UGT2B4: variants seen among roughly 807,000 people sequenced by gnomAD.
The protein encoded by UGT2B4 is UDP glucuronosyltransferase family 2 member B4, also known as UDP-glucuronosyltransferase 2B4.
UGT2B4 carries 49 observed loss-of-function variants against 49.8 expected under a neutral mutation model. The observed-to-expected ratio is 0.98, with a 90% CI of 0.78 to 1.25. The LOEUF is 1.25. UGT2B4 is among the 50% of genes most tolerant of loss of function. UGT2B4 has a pLI of 0.00. For synonymous variants in UGT2B4, 246 were observed against 217.7 expected, an observed-to-expected ratio of 1.13 and a Z score of -1.14; for missense variants, 729 against 627.7, an observed-to-expected ratio of 1.16 and a Z score of -1.73.
At chr4:69,500,655 A>AAGAAAGAC (rs1350846486), upstream of UGT2B4, among the ~76,000 whole-genome samples, 1 of 123,104 alleles carries the variant, frequency 8.1e-6, no homozygotes, top group African/African-American at 2.6e-5. Context: ...GAAAGAAAGA[A>AAGAAAGAC]AGAAAGAAAG....
intron 1 of UGT2B4, among the ~76,000 whole-genome samples, chr4:69,514,201 T>G (rs1415492066): frequency 2.0e-5 from 3 of 152,136 alleles, no homozygotes; most frequent in African/African-American, 2.4e-5. Context: ...TAACTCGTCA[T>G]TTACATTAGG....
chr4:69,525,713 A>G, exon 1 of UGT2B4: 1 of 1,278,634 alleles, frequency 7.8e-7, no homozygotes, highest in African/African-American at 1.5e-5. Context: ...TGAGACATGT[A>G]AGAGAGCAAA....
intron 1 of UGT2B4, among the ~76,000 whole-genome samples, chr4:69,513,656 T>C (rs6852142): frequency 0.35 from 53,444 of 152,054 alleles, 9,490 homozygotes; most frequent in Non-Finnish European, 0.37. Context: ...AATCTCTAAA[T>C]TACTTTGGGC....
At chr4:69,500,606 G>GCAAGAAAGAAAGAAAGA (rs1553896493), upstream of UGT2B4, among the ~76,000 whole-genome samples, 1 of 99,510 alleles carries the variant, frequency 1.0e-5, no homozygotes, top group Non-Finnish European at 2.0e-5. Context: ...AGAAAGCAAG[G>GCAAGAAAGAAAGAAAGA]AAGAAAGAAA....
At position 69,480,597 on chromosome 4, in the gene UGT2B4, A is replaced by G. The variant is rs1201306274; in HGVS notation, c.*37T>C. The G allele has an allele frequency of 5.0e-6, 8 of 1,599,048 alleles. No homozygotes were observed. The highest frequency in any genetic ancestry group is 1.7e-4 in the Middle Eastern group (1 of 5,972). ...TTGTTGTAATAAACTAAAGGAGTTC[A>G]TTTATTGGGTTTCCCAGCTTCCAGC... is the stretch of plus-strand genomic sequence containing the variant. On this transcript the variant is annotated 3_prime_UTR_variant, in exon 6 of 6. Transcript: ENST00000305107.
chr4:69,511,250 A>C (rs1560441575), intron 1 of UGT2B4, among the ~76,000 whole-genome samples: 1 of 152,080 alleles, frequency 6.6e-6, no homozygotes, highest in East Asian at 1.9e-4. Flanking sequence ...TAGGCTTCTC[A>C]AAGTGCTGGG....
intron 1 of UGT2B4, among the ~76,000 whole-genome samples, chr4:69,508,405 T>C (rs1728526298): frequency 6.6e-6 from 1 of 152,160 alleles, no homozygotes; most frequent in African/African-American, 2.4e-5. Flanking sequence ...TGTATGCACA[T>C]GTTTATTGCA....
intron 5 of UGT2B4, among the ~76,000 whole-genome samples, chr4:69,484,352 T>C (rs1727700784): frequency 6.6e-6 from 1 of 152,190 alleles, no homozygotes; most frequent in African/African-American, 2.4e-5. Flanking sequence ...ATGCTCCTAA[T>C]AGCCACAACT....
At chr4:69,524,701 G>GA (rs5859187) in intron 1 of UGT2B4, among the ~76,000 whole-genome samples, 8,276 of 151,012 alleles carry the variant, frequency 0.055, 625 homozygotes, top group African/African-American at 0.17. Context: ...CAACTTATGA[G>GA]AAAAAAAAAC....
intron 2 of UGT2B4, among the ~76,000 whole-genome samples, chr4:69,490,278 G>A (rs1293502637): frequency 6.6e-6 from 1 of 152,120 alleles, no homozygotes; most frequent in East Asian, 1.9e-4. Flanking sequence ...ACAGTATGTA[G>A]TTACATAGTC....
At chr4:69,525,875 GT>G (rs1484793095) in exon 1 of UGT2B4, 2 of 338,720 alleles carry the variant, frequency 5.9e-6, no homozygotes, top group Non-Finnish European at 9.9e-6. Flanking sequence ...GCCAAGGCGG[GT>G]GGATCAAGAG....
At chr4:69,502,515 A>T (rs977021313) in intron 1 of UGT2B4, among the ~76,000 whole-genome samples, 1 of 152,026 alleles carries the variant, frequency 6.6e-6, no homozygotes, top group African/African-American at 2.4e-5. Flanking sequence ...AGGTACTGGA[A>T]AATCTGAGGC....
chr4:69,524,199 A>G (rs7678971), intron 1 of UGT2B4, among the ~76,000 whole-genome samples: 53,265 of 151,756 alleles, frequency 0.35, 9,421 homozygotes, highest in Non-Finnish European at 0.37. Flanking sequence ...CTGTATTCAC[A>G]ACTAGGTTAA....
At chr4:69,498,956 A>C (rs1053904073), upstream of UGT2B4, among the ~76,000 whole-genome samples, 1 of 151,956 alleles carries the variant, frequency 6.6e-6, no homozygotes, top group Non-Finnish European at 1.5e-5. Context: ...GTTGCGATAT[A>C]TGTGTCAATT....
At chr4:69,511,159 T>G (rs991220054) in intron 1 of UGT2B4, among the ~76,000 whole-genome samples, 2 of 151,752 alleles carry the variant, frequency 1.3e-5, no homozygotes, top group Non-Finnish European at 1.5e-5. Flanking sequence ...GCCGGCTAAT[T>G]TTTGTGTTTT....
At chr4:69,521,467 C>G (rs1728847782) in intron 1 of UGT2B4, among the ~76,000 whole-genome samples, 1 of 152,150 alleles carries the variant, frequency 6.6e-6, no homozygotes, top group African/African-American at 2.4e-5. Context: ...ACGTCTGGTC[C>G]AGCTGCAGCT....
chr4:69,500,868 G>C (rs752394252), upstream of UGT2B4, among the ~76,000 whole-genome samples: 1 of 152,306 alleles, frequency 6.6e-6, no homozygotes, highest in African/African-American at 2.4e-5. Context: ...GTGACACACA[G>C]AGCTACATGG....
chr4:69,497,787 A>G (rs903582601), upstream of UGT2B4, among the ~76,000 whole-genome samples: 14 of 152,248 alleles, frequency 9.2e-5, no homozygotes, highest in African/African-American at 2.9e-4. Context: ...TTAGACTTTC[A>G]GAGGATTGAT....
intron 1 of UGT2B4, among the ~76,000 whole-genome samples, chr4:69,506,700 G>A (rs1490736565): frequency 6.6e-6 from 1 of 151,470 alleles, no homozygotes; most frequent in African/African-American, 2.4e-5. Context: ...TGTGGAAAAG[G>A]GACTCCTCCC....
Sources: allele counts gnomAD v4.1 joint callset (sites outside exome capture counted in the v4.1 genomes callset), GRCh38; gene constraint gnomAD v4.1.1; transcripts MANE v1.5; gene names NCBI Gene and HGNC (gene_info 2026-07-23, HGNC 2026-07-21).